Variants in ANKS1B observed in about 807,000 individuals in gnomAD.
ANKS1B encodes ankyrin repeat and sterile alpha motif domain containing 1B.
In ANKS1B, 36 loss-of-function variants were observed where a neutral mutation model predicts 148.3. The observed-to-expected ratio is 0.24, with a 90% confidence interval of 0.19 to 0.32. The LOEUF (loss-of-function observed/expected upper bound fraction) is 0.32. ANKS1B is among the 10% of genes least tolerant of loss of function. The probability of loss-of-function intolerance (pLI) is 1.00; values close to 1 mark genes in which losing one functional copy is unlikely to be tolerated. For missense variants in ANKS1B, 1,157 were observed against 1,542.6 expected (o/e 0.75, Z 4.19); for synonymous variants, 542 against 560.8 (o/e 0.97, Z 0.47).
chr12:99,088,014 T>C (rs2052548758), intron 15 of ANKS1B, among the ~76,000 whole-genome samples: 1 of 152,216 alleles, frequency 6.6e-6, no homozygotes, highest in African/African-American at 2.4e-5. Flanking sequence ...AAGAACATCT[T>C]TTTGAGCCAA....
At chr12:99,776,664 T>A (rs535665096) in intron 6 of ANKS1B, among the ~76,000 whole-genome samples, 1 of 127,334 alleles carries the variant, frequency 7.9e-6, no homozygotes, top group East Asian at 2.2e-4. Flanking sequence ...AATCCTAGGG[T>A]TTTTTTTGTT....
intron 12 of ANKS1B, among the ~76,000 whole-genome samples, chr12:99,381,998 A>T (rs944942851): frequency 6.6e-6 from 1 of 152,212 alleles, no homozygotes; most frequent in Non-Finnish European, 1.5e-5. Flanking sequence ...AGTAAATGAG[A>T]ATCTGTTGTT....
At chr12:99,632,946 T>C (rs559704493) in intron 9 of ANKS1B, among the ~76,000 whole-genome samples, 119 of 103,152 alleles carry the variant, frequency 1.2e-3, no homozygotes, top group Non-Finnish European at 1.9e-3. Flanking sequence ...TGTGTGATGT[T>C]CCCCTTCCTG....
intron 12 of ANKS1B, among the ~76,000 whole-genome samples, chr12:99,312,836 G>A (rs904531186): frequency 1.3e-5 from 2 of 151,964 alleles, no homozygotes; most frequent in African/African-American, 2.4e-5. Context: ...ATCTCAAATC[G>A]ATACCCTAAC....
chr12:99,435,390 A>G (rs188683795), intron 11 of ANKS1B, among the ~76,000 whole-genome samples: 1 of 152,232 alleles, frequency 6.6e-6, no homozygotes, highest in Non-Finnish European at 1.5e-5. Context: ...CCAATGATTT[A>G]GGGAACTTTA....
At chr12:99,535,741 T>C (rs1442971741) in intron 9 of ANKS1B, among the ~76,000 whole-genome samples, 4 of 152,100 alleles carry the variant, frequency 2.6e-5, no homozygotes, top group Non-Finnish European at 5.9e-5. Context: ...GAAGAAGCAC[T>C]TACAGAGGTA....
chr12:99,902,212 T>A (rs1333211622), intron 1 of ANKS1B, among the ~76,000 whole-genome samples: 1 of 152,144 alleles, frequency 6.6e-6, no homozygotes, highest in Non-Finnish European at 1.5e-5. Flanking sequence ...GGAGGTGACA[T>A]TTTAGCTGAA....
intron 9 of ANKS1B, among the ~76,000 whole-genome samples, chr12:99,542,336 C>A (rs10777996): frequency 0.46 from 70,035 of 151,580 alleles, 16,303 homozygotes; most frequent in East Asian, 0.56. Context: ...ATTACTTAGA[C>A]ATGAACTTCA....
rs1254751378 is a variant in ANKS1B, at chr12:99,404,615, A to G, written c.1576-4804T>C. ...AATATATAGTCAGAGAAGACAAAAG[A>G]AAAAAGAATAAAAAAGAATGAATCA... On this transcript the variant is annotated intron_variant, in intron 11 of 26. Coordinates refer to ENST00000683438, the MANE Select transcript of ANKS1B (RefSeq NM_001352186.2). Among the ~76,000 whole-genome samples, 2 of 145,452 alleles carry G rather than the reference A, an allele frequency of 1.4e-5. 1 individual carries two copies. The highest frequency in any genetic ancestry group is 5.2e-5 in the African/African-American group (2 of 38,274).
At chr12:99,196,387 T>C (rs1486978304) in intron 14 of ANKS1B, among the ~76,000 whole-genome samples, 1 of 152,152 alleles carries the variant, frequency 6.6e-6, no homozygotes, top group East Asian at 1.9e-4. Context: ...GCTAAAATTC[T>C]CTGCTCCCTT....
At chr12:99,364,587 C>T (rs181222693) in intron 12 of ANKS1B, among the ~76,000 whole-genome samples, 158 of 152,322 alleles carry the variant, frequency 1.0e-3, no homozygotes, top group African/African-American at 3.4e-3. Context: ...ATCTATCATG[C>T]ACCCTGTGGA....
At chr12:99,607,444 G>A (rs967081923) in intron 9 of ANKS1B, among the ~76,000 whole-genome samples, 13 of 151,808 alleles carry the variant, frequency 8.6e-5, no homozygotes, top group Non-Finnish European at 1.9e-4. Flanking sequence ...TCTACTCTGA[G>A]GTTGGATTTA....
chr12:99,451,496 G>C (rs1595028631), intron 10 of ANKS1B, among the ~76,000 whole-genome samples: 1 of 152,180 alleles, frequency 6.6e-6, no homozygotes, highest in East Asian at 1.9e-4. Context: ...TAAAATTCAG[G>C]CATGAAGAAA....
At position 98,872,277 on chromosome 12, in the gene ANKS1B, G is replaced by A. The variant is rs113922958; in HGVS notation, c.2779-40141C>T. Among the ~76,000 whole-genome samples the A allele has an allele frequency of 6.3e-3, 963 of 152,332 alleles. 4 individuals carry two copies. Among genetic ancestry groups the A allele is most frequent in the Non-Finnish European group, 0.011 (752 of 68,032 alleles). The stretch of plus-strand genomic sequence containing the variant: ...TTAATGGCTGGGCATGGTAGCTCAC[G>A]CTTGTAAGCCCAGCACTTTGGGAGG... On this transcript the variant is annotated intron_variant, in intron 17 of 26. Coordinates refer to ENST00000683438, the MANE Select transcript of ANKS1B (RefSeq NM_001352186.2).
intron 1 of ANKS1B, among the ~76,000 whole-genome samples, chr12:99,880,341 C>T (rs370634068): frequency 3.3e-5 from 5 of 152,240 alleles, no homozygotes; most frequent in Non-Finnish European, 7.4e-5. Flanking sequence ...CAAGGTCACA[C>T]GGCCAAAAGT....
chr12:99,226,588 A>C (rs2085973030), intron 14 of ANKS1B, among the ~76,000 whole-genome samples: 1 of 152,234 alleles, frequency 6.6e-6, no homozygotes, highest in Non-Finnish European at 1.5e-5. Flanking sequence ...TACACATGTC[A>C]CACGGACAAA....
chr12:99,667,987 T>C (rs1420316707), intron 8 of ANKS1B, among the ~76,000 whole-genome samples: 1 of 152,206 alleles, frequency 6.6e-6, no homozygotes, highest in Non-Finnish European at 1.5e-5. Flanking sequence ...ATGAGTGATA[T>C]TGATCTATAG....
chr12:99,345,023 C>T (rs1161237739), intron 12 of ANKS1B: 1 of 152,052 alleles, frequency 6.6e-6, no homozygotes, highest in Non-Finnish European at 1.5e-5. Flanking sequence ...GGCTTTGGAC[C>T]ATGTCCTTTC....
At chr12:98,946,544 G>C (rs2099845818) in intron 17 of ANKS1B, among the ~76,000 whole-genome samples, 1 of 152,068 alleles carries the variant, frequency 6.6e-6, no homozygotes, top group African/African-American at 2.4e-5. Context: ...TAATAAATCA[G>C]GAAACTCAAC....
Sources: allele counts gnomAD v4.1 joint callset (sites outside exome capture counted in the v4.1 genomes callset), GRCh38; gene constraint gnomAD v4.1.1; transcripts MANE v1.5; gene names NCBI Gene and HGNC (gene_info 2026-07-23, HGNC 2026-07-21).